The following DNAH8 variants were observed in gnomAD, a reference collection of about 807,000 sequenced individuals.
DNAH8 encodes axonemal beta dynein heavy chain 8.
A neutral mutation model predicts 562.1 loss-of-function variants in DNAH8; 382 were observed. The observed-to-expected ratio is 0.68, with a 90% CI of 0.63 to 0.74. DNAH8 has a LOEUF of 0.74. Ranked by LOEUF, DNAH8 falls within the 30% of genes least tolerant of loss-of-function variation. DNAH8 has a pLI of 0.00. For missense variants in DNAH8, 5,203 were observed against 5,620.4 expected (o/e 0.93, Z 2.37); for synonymous variants, 1,881 against 1,919.4 (o/e 0.98, Z 0.52).
intron 78 of DNAH8, 57 bp downstream of exon 78, chr6:38,938,283 T>A: frequency 6.5e-7 from 1 of 1,550,104 alleles, no homozygotes; most frequent in East Asian, 2.3e-5. Flanking sequence ...CTTGTATTTC[T>A]ACTCTTTTAG....
At chr6:38,899,540 G>A (rs1779927315) in intron 61 of DNAH8, among the ~76,000 whole-genome samples, 1 of 152,232 alleles carries the variant, frequency 6.6e-6, no homozygotes, top group African/African-American at 2.4e-5. Context: ...AAATAGAAGG[G>A]AGTAAATCCA....
intron 4 of DNAH8, among the ~76,000 whole-genome samples, chr6:38,732,458 T>G (rs908197489): frequency 2.0e-5 from 3 of 152,178 alleles, no homozygotes; most frequent in African/African-American, 7.2e-5. Context: ...GCATTTGGGC[T>G]CTTATATTGC....
At chr6:38,861,117 G>C (rs977456252) in intron 43 of DNAH8, among the ~76,000 whole-genome samples, 4 of 152,180 alleles carry the variant, frequency 2.6e-5, no homozygotes, top group Admixed American at 2.6e-4. Context: ...ACCCAGTTAA[G>C]TATGCTGTGC....
chr6:38,875,620 C>G lies in DNAH8; in HGVS notation c.7650C>G (p.Pro2550=). ...TCAATCTTCTGGAAGGGTTAATTCC[C>G]TCCAAAGAAGAAGGCGGTGTTTCCT... ...QSLNLLEGLI[P]SKEEGGVSCV... Residue 2550 remains proline (P), a synonymous_variant, in exon 53 of 93, where the codon CCC becomes CCG. Coordinates refer to ENST00000327475, the MANE Select transcript of DNAH8 (RefSeq NM_001206927.2). 6.2e-7 allele frequency: 1 copy of G among 1,611,786 alleles called. No individual in the cohort carries two copies. Among genetic ancestry groups the G allele is most frequent in the Non-Finnish European group, 8.5e-7 (1 of 1,178,408 alleles).
At chr6:38,723,567 A>C in intron 3 of DNAH8, 96 bp downstream of exon 3, 1 of 1,438,876 alleles carries the variant, frequency 6.9e-7, no homozygotes, top group Non-Finnish European at 9.3e-7. Flanking sequence ...AACAACAACA[A>C]AAATCATTCA....
In DNAH8 at chr6:38,826,410, T is replaced by A. The variant is rs1345389149; in HGVS notation, c.4083+19T>A. On this transcript the variant is annotated intron_variant, in intron 29 of 92. Transcript: ENST00000327475. ...AATTGAAGTAAGAAATGATTGCATTTTTTTTTCTTGGAATGCTTTTTTGTT... is the reference window on the plus strand; with the variant it reads ...AATTGAAGTAAGAAATGATTGCATTATTTTTTCTTGGAATGCTTTTTTGTT... The A allele has an allele frequency of 1.3e-6, 2 of 1,518,226 alleles. No individual in the cohort carries two copies. The highest frequency in any genetic ancestry group is 1.8e-6 in the Non-Finnish European group (2 of 1,116,476). The allele number at this position is 1,518,226 out of a possible 1,614,324, so 94.0% of individuals were successfully genotyped here.
chr6:38,804,237 A>C (rs1771049107), intron 22 of DNAH8, among the ~76,000 whole-genome samples: 1 of 152,208 alleles, frequency 6.6e-6, no homozygotes, highest in East Asian at 1.9e-4. Flanking sequence ...AAGATTCCCT[A>C]GTAGGGGAGT....
At chr6:38,922,506 T>C (rs151047662) in intron 71 of DNAH8, among the ~76,000 whole-genome samples, 1,953 of 152,272 alleles carry the variant, frequency 0.013, 36 homozygotes, top group Middle Eastern at 0.037. Flanking sequence ...CTTTTGTTAT[T>C]TATTACTTTT....
intron 21 of DNAH8, among the ~76,000 whole-genome samples, chr6:38,801,950 A>C (rs1471490190): frequency 6.7e-6 from 1 of 149,076 alleles, no homozygotes; most frequent in African/African-American, 2.5e-5. Context: ...TCCTATGTAC[A>C]TTTTTTTTTT....
At position 38,722,868 on chromosome 6, in the gene DNAH8, C is replaced by T. The variant is rs779549158; in HGVS notation, c.59C>T (p.Thr20Met). The T allele has an allele frequency of 3.1e-6, 5 of 1,611,700 alleles. No individual in the cohort carries two copies. Among genetic ancestry groups the T allele is most frequent in the Admixed American group, 3.3e-5 (2 of 59,880 alleles). Residue 20 changes from threonine to methionine, a missense_variant, in exon 2 of 93, where the codon ACG becomes ATG. This residue lies in a region of DNAH8 where 556 missense variants were observed against 496.9 expected (regional missense o/e 1.12). Transcript: ENST00000327475. ...GAGGGAGCAGAGGCTCCTCCCTCTA[C>T]GGAAGAGGCTGCCCCTCCCCGTTCA... ...PSEGAEAPPS[T>M]EEAAPPRSEE...
chr6:39,003,319 A>G (rs1490237068), intron 88 of DNAH8, among the ~76,000 whole-genome samples: 1 of 152,220 alleles, frequency 6.6e-6, no homozygotes, highest in African/African-American at 2.4e-5. Context: ...CATCTCAGTG[A>G]ACCTGAAATA....
At chr6:38,880,749 T>A (rs1778412845) in intron 53 of DNAH8, among the ~76,000 whole-genome samples, 1 of 152,184 alleles carries the variant, frequency 6.6e-6, no homozygotes, top group Non-Finnish European at 1.5e-5. Context: ...CAATGGGGTC[T>A]GGGTGCAGTG....
chr6:38,838,491 C>T (rs571027525), intron 33 of DNAH8, among the ~76,000 whole-genome samples: 65 of 151,084 alleles, frequency 4.3e-4, no homozygotes, highest in African/African-American at 1.3e-3. Context: ...CTCTGCCTCC[C>T]GGATTCATGC....
intron 76 of DNAH8, 125 bp downstream of exon 76, chr6:38,932,118 G>T: frequency 1.6e-6 from 1 of 615,240 alleles, no homozygotes; most frequent in Non-Finnish European, 2.5e-6. Flanking sequence ...GTTAACATAA[G>T]TATTTCTTTT....
chr6:38,805,444 T>A (rs769081008), intron 22 of DNAH8, 37 bp from the exon 23 acceptor site: 131 of 1,333,552 alleles, frequency 9.8e-5, no homozygotes, highest in Middle Eastern at 3.6e-4. Flanking sequence ...TGCTAAAAAG[T>A]CAAATGTTAT....
chr6:38,929,688 AAAAAGAAAG>A, intron 75 of DNAH8, 22 bp downstream of exon 75: 1 of 1,505,344 alleles, frequency 6.6e-7, no homozygotes, highest in Admixed American at 2.3e-5. Flanking sequence ...AAAAAAAAAA[AAAAAGAAAG>A]AAAGAAAGAA....
chr6:38,741,459 G>A (rs553667832), intron 7 of DNAH8, among the ~76,000 whole-genome samples: 21 of 129,554 alleles, frequency 1.6e-4, no homozygotes, highest in Non-Finnish European at 3.3e-4. Context: ...CCTCCCCCCC[G>A]ACCAAAAAAA....
chr6:38,882,346 T>G (rs541745419), intron 53 of DNAH8, among the ~76,000 whole-genome samples: 2 of 152,270 alleles, frequency 1.3e-5, no homozygotes, highest in East Asian at 1.9e-4. Flanking sequence ...ATAAAGAAAA[T>G]TTGGTACACA....
At chr6:38,941,345 A>G (rs1181906202) in intron 79 of DNAH8, among the ~76,000 whole-genome samples, 1 of 152,210 alleles carries the variant, frequency 6.6e-6, no homozygotes, top group Non-Finnish European at 1.5e-5. Flanking sequence ...TCTCTACTTC[A>G]TTTAATTCCT....
Sources: allele counts gnomAD v4.1 joint callset (sites outside exome capture counted in the v4.1 genomes callset), GRCh38; gene constraint gnomAD v4.1.1; regional missense constraint gnomAD v4.1.1; transcripts MANE v1.5; gene names NCBI Gene and HGNC (gene_info 2026-07-23, HGNC 2026-07-21).